Variants in ALCAM observed in about 807,000 individuals in gnomAD.
ALCAM encodes the protein activated leukocyte cell adhesion molecule.
Under a neutral mutation model 70.9 loss-of-function variants are expected in ALCAM, and 30 were observed. That is an observed-to-expected ratio of 0.42 (90% CI 0.32 to 0.57). The LOEUF is 0.57. Ranked by LOEUF, ALCAM falls within the 20% of genes least tolerant of loss-of-function variation. ALCAM has a pLI of 0.11. For synonymous variants in ALCAM, 249 were observed against 242.5 expected (o/e 1.03, Z -0.25); for missense variants, 591 against 695.1 (o/e 0.85, Z 1.68).
rs183927502 is a variant in ALCAM, at chr3:105,419,985, C to T, written c.73+52504C>T. 9.9e-5 allele frequency among the ~76,000 whole-genome samples: 15 copies of T among 151,640 alleles called. No homozygotes were observed. The East Asian group carries it at 1.9e-3, about 20-fold the overall frequency. On this transcript the variant is annotated intron_variant, in intron 1 of 15. Transcript: ENST00000306107. Reference sequence around the variant, plus strand: ...TCTATCTGGATATATAGATGGAAGACGGGTGAGTCAGAGAAAGAGATAAAG... The same window carrying T: ...TCTATCTGGATATATAGATGGAAGATGGGTGAGTCAGAGAAAGAGATAAAG...
chr3:105,518,779 G>T (rs1255855763), intron 1 of ALCAM, among the ~76,000 whole-genome samples: 1 of 151,988 alleles, frequency 6.6e-6, no homozygotes, highest in Non-Finnish European at 1.5e-5. Context: ...TTGGTATTCT[G>T]TCTTAACAAT....
intron 1 of ALCAM, among the ~76,000 whole-genome samples, chr3:105,405,344 C>A (rs1281921849): frequency 2.1e-5 from 3 of 140,414 alleles, no homozygotes; most frequent in Non-Finnish European, 4.6e-5. Flanking sequence ...AGGACTAGAC[C>A]AACAGGAAAA....
chr3:105,378,499 T>G (rs1030159996), intron 1 of ALCAM, among the ~76,000 whole-genome samples: 3 of 151,838 alleles, frequency 2.0e-5, no homozygotes, highest in Non-Finnish European at 4.4e-5. Context: ...GAGATGGTCA[T>G]GGATCTAAGT....
chr3:105,369,515 A>G (rs1440822241), intron 1 of ALCAM, among the ~76,000 whole-genome samples: 4 of 152,212 alleles, frequency 2.6e-5, no homozygotes, highest in Non-Finnish European at 5.9e-5. Context: ...TTGCAGTATC[A>G]GTGTGTTTTG....
intron 12 of ALCAM, among the ~76,000 whole-genome samples, chr3:105,550,777 CTG>C (rs1402362166): frequency 6.6e-6 from 1 of 151,504 alleles, no homozygotes; most frequent in Non-Finnish European, 1.5e-5. Flanking sequence ...GTTTACAAAA[CTG>C]TTCCTTTTGT....
chr3:105,472,111 T>C (rs1937951192), intron 1 of ALCAM, among the ~76,000 whole-genome samples: 1 of 151,570 alleles, frequency 6.6e-6, no homozygotes, highest in South Asian at 2.1e-4. Context: ...TCCATGTGGC[T>C]GCAAATGACA....
intron 1 of ALCAM, among the ~76,000 whole-genome samples, chr3:105,496,122 C>T (rs1219269617): frequency 6.6e-6 from 1 of 152,088 alleles, no homozygotes; most frequent in East Asian, 1.9e-4. Flanking sequence ...ATATGTGAAA[C>T]ATTGCAGAGC....
At chr3:105,551,129 G>T (rs1559653402) in intron 12 of ALCAM, among the ~76,000 whole-genome samples, 1 of 151,564 alleles carries the variant, frequency 6.6e-6, no homozygotes. Flanking sequence ...AGAGCTAGGA[G>T]AAAATAATCA....
chr3:105,376,355 C>A (rs563088358), intron 1 of ALCAM, among the ~76,000 whole-genome samples: 1 of 152,088 alleles, frequency 6.6e-6, no homozygotes, highest in East Asian at 1.9e-4. Context: ...GTTTCATTTG[C>A]GCCTAAACTC....
At chr3:105,518,887 A>G (rs1005869157) in intron 1 of ALCAM, among the ~76,000 whole-genome samples, 1 of 152,100 alleles carries the variant, frequency 6.6e-6, no homozygotes. Context: ...TCTTAACCTT[A>G]AATGAAATTT....
intron 2 of ALCAM, 81 bp from the exon 3 acceptor site, chr3:105,524,208 C>A: frequency 8.4e-7 from 1 of 1,194,538 alleles, no homozygotes; most frequent in Non-Finnish European, 1.2e-6. Flanking sequence ...TAGAATATGG[C>A]CAAGGAAATG....
rs561321028 is a variant in ALCAM at position 105,575,189 on chromosome 3, C to T, written c.*738C>T. The stretch of plus-strand genomic sequence containing the variant: ...TAAAACAGAATTTGGTAGCACTTAC[C>T]TCTACAGACACCTGCTAATAAATTA... On this transcript the variant is annotated 3_prime_UTR_variant, in exon 16 of 16. Coordinates refer to ENST00000306107, the MANE Select transcript of ALCAM (RefSeq NM_001627.4). 1 of 152,700 alleles carries T rather than the reference C, an allele frequency of 6.5e-6. No individual in the cohort carries two copies. The highest frequency in any genetic ancestry group is 2.4e-5 in the African/African-American group (1 of 41,564). The allele number at this position is 152,700 out of a possible 1,614,324, so 9.5% of individuals were successfully genotyped here.
intron 1 of ALCAM, among the ~76,000 whole-genome samples, chr3:105,435,743 A>T (rs1429033861): frequency 6.6e-6 from 1 of 152,214 alleles, no homozygotes; most frequent in Non-Finnish European, 1.5e-5. Flanking sequence ...TATGCTGTTG[A>T]TAAAGACATA....
chr3:105,566,934 A>T (rs980149215), intron 14 of ALCAM, among the ~76,000 whole-genome samples: 1 of 152,096 alleles, frequency 6.6e-6, no homozygotes, highest in African/African-American at 2.4e-5. Flanking sequence ...TTCCTTTAGG[A>T]AAGGTCTGCT....
intron 1 of ALCAM, among the ~76,000 whole-genome samples, chr3:105,404,419 G>A (rs967647315): frequency 6.6e-6 from 1 of 152,042 alleles, no homozygotes; most frequent in African/African-American, 2.4e-5. Flanking sequence ...GAAGGGATTG[G>A]GGTCCTATTT....
At chr3:105,483,127 C>A (rs968082336) in intron 1 of ALCAM, among the ~76,000 whole-genome samples, 1 of 152,134 alleles carries the variant, frequency 6.6e-6, no homozygotes, top group African/African-American at 2.4e-5. Flanking sequence ...AAATTTACCT[C>A]TCATATATGC....
intron 1 of ALCAM, among the ~76,000 whole-genome samples, chr3:105,386,474 A>G (rs925431593): frequency 6.6e-6 from 1 of 151,514 alleles, no homozygotes; most frequent in Non-Finnish European, 1.5e-5. Context: ...GGTTGTAGAC[A>G]TTACCCTAAA....
At chr3:105,399,342 T>G (rs373070641) in intron 1 of ALCAM, among the ~76,000 whole-genome samples, 8 of 152,132 alleles carry the variant, frequency 5.3e-5, no homozygotes, top group East Asian at 3.9e-4. Flanking sequence ...TGATTGTTGG[T>G]ATATTTACAA....
chr3:105,367,089 C>A lies in ALCAM; in HGVS notation c.-320C>A, dbSNP rs1576111912. 5 of 271,618 alleles carry A rather than the reference C, an allele frequency of 1.8e-5. No individual in the cohort carries two copies. In the South Asian group the frequency reaches 2.7e-4, roughly 14 times the overall value. 16.8% of individuals were successfully genotyped at this position (271,618 alleles called of 1,614,324 possible). ...CAAGGAAAATAAAAGAAGATACCAG[C>A]GAAAAGAACCGCTTACACCTTTCCG... On this transcript the variant is annotated 5_prime_UTR_variant, in exon 1 of 16. Coordinates refer to ENST00000306107, the MANE Select transcript of ALCAM (RefSeq NM_001627.4).
Sources: allele counts gnomAD v4.1 joint callset (sites outside exome capture counted in the v4.1 genomes callset), GRCh38; gene constraint gnomAD v4.1.1; transcripts MANE v1.5; gene names NCBI Gene and HGNC (gene_info 2026-07-23, HGNC 2026-07-21).